Variants in SIL1 observed in about 807,000 individuals in gnomAD.
SIL1 encodes the protein SIL1 nucleotide exchange factor.
A neutral mutation model predicts 49.1 loss-of-function variants in SIL1; 40 were observed. The ratio of observed to expected loss-of-function variants is 0.81; its 90% confidence interval spans 0.63 to 1.06. SIL1 has a LOEUF of 1.06. SIL1 is among the 50% of genes least tolerant of loss of function. SIL1 has a pLI of 0.00. For synonymous variants in SIL1, 253 were observed against 250.8 expected (o/e 1.01, Z -0.08); for missense variants, 500 against 572.6 (o/e 0.87, Z 1.29).
rs534107842 is a variant in SIL1 at position 138,967,519 on chromosome 5, C to A, written c.768-15635G>T. Among the ~76,000 whole-genome samples, 4 of 152,294 alleles carry A rather than the reference C, an allele frequency of 2.6e-5. No individual in the cohort carries two copies. The South Asian group carries it at 6.2e-4, about 24-fold the overall frequency. On this transcript the variant is annotated intron_variant, in intron 7 of 9. Transcript: ENST00000394817. ...AAAGATGAAAAGCTCCCAATAAAACCCAGACCTACATGGCTGCACTGATCA... is the reference window on the plus strand; with the variant it reads ...AAAGATGAAAAGCTCCCAATAAAACACAGACCTACATGGCTGCACTGATCA...
At chr5:138,975,152 G>A (rs1444911703) in intron 7 of SIL1, among the ~76,000 whole-genome samples, 1 of 152,122 alleles carries the variant, frequency 6.6e-6, no homozygotes, top group Non-Finnish European at 1.5e-5. Context: ...TGGATTTCAA[G>A]GTAAGAAAAA....
chr5:139,070,389 C>T (rs7701116), intron 3 of SIL1, among the ~76,000 whole-genome samples: 59,411 of 151,948 alleles, frequency 0.39, 12,187 homozygotes, highest in Middle Eastern at 0.46. Context: ...GCAGTACCCA[C>T]TTGAATGTAT....
chr5:139,196,932 G>GAC (rs373177909), intron 1 of SIL1, among the ~76,000 whole-genome samples: 4 of 151,794 alleles, frequency 2.6e-5, no homozygotes, highest in Non-Finnish European at 4.4e-5. Context: ...GAGCAGAAAA[G>GAC]ACACACACAC....
chr5:138,956,747 A>C (rs1380914316), intron 7 of SIL1, among the ~76,000 whole-genome samples: 2 of 152,094 alleles, frequency 1.3e-5, no homozygotes, highest in Non-Finnish European at 2.9e-5. Flanking sequence ...TATCTTAAAA[A>C]AAAAAAAAAG....
chr5:139,011,431 G>C (rs888702126), intron 7 of SIL1, among the ~76,000 whole-genome samples: 6 of 152,140 alleles, frequency 3.9e-5, no homozygotes, highest in Non-Finnish European at 8.8e-5. Context: ...TTCTGCGTCG[G>C]TCACGCTGGG....
chr5:139,119,332 C>T (rs575665766), intron 3 of SIL1, among the ~76,000 whole-genome samples: 3 of 152,276 alleles, frequency 2.0e-5, no homozygotes, highest in Non-Finnish European at 2.9e-5. Context: ...CCATCAACAT[C>T]GTTCAGTCTG....
intron 5 of SIL1, among the ~76,000 whole-genome samples, chr5:139,033,704 TTTAAAAC>T (rs1015873109): frequency 1.3e-5 from 2 of 152,154 alleles, no homozygotes; most frequent in Non-Finnish European, 1.5e-5. Flanking sequence ...TTTCAGTTCT[TTTAAAAC>T]TGTTGAGATC....
chr5:139,150,324 A>C (rs964628628), intron 1 of SIL1, among the ~76,000 whole-genome samples: 1 of 151,980 alleles, frequency 6.6e-6, no homozygotes, highest in Non-Finnish European at 1.5e-5. Flanking sequence ...CACACGTCTC[A>C]TCCTCCTCCA....
chr5:139,132,589 TG>T (rs905202506), intron 1 of SIL1, among the ~76,000 whole-genome samples: 1 of 152,088 alleles, frequency 6.6e-6, no homozygotes, highest in Non-Finnish European at 1.5e-5. Flanking sequence ...TTGAGAGGAC[TG>T]AGGAGAGACC....
chr5:139,146,702 T>C (rs1476666657), intron 1 of SIL1, among the ~76,000 whole-genome samples: 1 of 152,224 alleles, frequency 6.6e-6, no homozygotes, highest in African/African-American at 2.4e-5. Context: ...TTATCATGAA[T>C]GTGTGTTAAA....
intron 2 of SIL1, among the ~76,000 whole-genome samples, chr5:139,123,312 C>T (rs1293648876): frequency 6.6e-6 from 1 of 152,212 alleles, no homozygotes; most frequent in Admixed American, 6.5e-5. Flanking sequence ...ATTCTGAGGA[C>T]ATGGACATCA....
chr5:138,986,384 G>A (rs776644859), intron 7 of SIL1, among the ~76,000 whole-genome samples: 7 of 152,146 alleles, frequency 4.6e-5, no homozygotes, highest in South Asian at 2.1e-4. Flanking sequence ...AACAAATCAC[G>A]GACTCTGATT....
At chr5:139,110,791 G>A (rs957914313) in intron 3 of SIL1, among the ~76,000 whole-genome samples, 1 of 152,242 alleles carries the variant, frequency 6.6e-6, no homozygotes, top group Non-Finnish European at 1.5e-5. Flanking sequence ...GTCTTCAGAA[G>A]AGGGAAGGTT....
rs119456966 is a variant in SIL1 at position 138,947,191 on chromosome 5, G to A, written c.1312C>T (p.Gln438Ter). 6.2e-7 allele frequency: 1 copy of A among 1,613,558 alleles called. No individual in the cohort carries two copies. The highest frequency in any genetic ancestry group is 8.5e-7 in the Non-Finnish European group (1 of 1,179,930). The change falls in exon 10 of 10, where the codon CAG becomes TAG. Residue 438 changes from glutamine to a stop codon, truncating the protein, a stop_gained. Transcript: ENST00000394817. LOFTEE classifies it high-confidence loss of function. The surrounding 1 kb of genome is among the most constrained non-coding windows in gnomAD (Gnocchi z 4.1). ...EYQVLASLEL[Q>*]DGEDEGYFQE... The stretch of plus-strand genomic sequence containing the variant: ...AAGTAGCCCTCGTCCTCACCATCCT[G>A]CAGCTCCAGGCTGGCCAGCACCTGG...
intron 5 of SIL1, among the ~76,000 whole-genome samples, chr5:139,031,240 T>A (rs925725055): frequency 2.6e-5 from 4 of 151,084 alleles, no homozygotes; most frequent in Admixed American, 2.6e-4. Context: ...TCTAGAAGAT[T>A]TTTTTTTTCT....
intron 3 of SIL1, among the ~76,000 whole-genome samples, chr5:139,118,942 T>C (rs535918004): frequency 1.5e-4 from 23 of 152,156 alleles, no homozygotes; most frequent in Non-Finnish European, 3.1e-4. Flanking sequence ...TGAGATGTAG[T>C]GTAGGCAAAA....
At chr5:139,039,997 C>T (rs566034834) in intron 5 of SIL1, among the ~76,000 whole-genome samples, 3 of 152,252 alleles carry the variant, frequency 2.0e-5, no homozygotes, top group East Asian at 3.9e-4. Flanking sequence ...TTGATGTTCT[C>T]GTCCCCAAAA....
chr5:139,036,693 T>C (rs1348083486), intron 5 of SIL1, among the ~76,000 whole-genome samples: 2 of 152,048 alleles, frequency 1.3e-5, no homozygotes, highest in African/African-American at 2.4e-5. Flanking sequence ...CTGGGGCCTA[T>C]TGGGTGGAGG....
intron 7 of SIL1, among the ~76,000 whole-genome samples, chr5:138,968,702 C>T (rs570914863): frequency 6.6e-6 from 1 of 152,258 alleles, no homozygotes; most frequent in East Asian, 1.9e-4. Flanking sequence ...GTTGTCTGTT[C>T]AACTGTGACC....
Sources: allele counts gnomAD v4.1 joint callset (sites outside exome capture counted in the v4.1 genomes callset), GRCh38; gene constraint gnomAD v4.1.1; non-coding constraint Gnocchi (gnomAD v3.1); transcripts MANE v1.5; gene names NCBI Gene and HGNC (gene_info 2026-07-23, HGNC 2026-07-21).